The following RTL4 variants were observed in gnomAD, a reference collection of about 807,000 sequenced individuals.
RTL4 encodes the protein retrotransposon Gag like 4, also known as retrotransposon Gag-like protein 4.
RTL4 carries 4 observed loss-of-function variants against 5.3 expected under a neutral mutation model. The observed-to-expected ratio is 0.75, with a 90% CI of 0.37 to 1.72. The LOEUF (loss-of-function observed/expected upper bound fraction) is 1.72. RTL4 is among the 40% of genes most tolerant of loss of function. The pLI is 0.04. For missense variants in RTL4, 260 were observed against 227.1 expected (o/e 1.14, Z -0.93); for synonymous variants, 98 against 87.3 (o/e 1.12, Z -0.68).
At chrX:112,348,881 C>T in the RTL4 span, among the ~76,000 whole-genome samples, 6 of 110,504 alleles carry the variant, frequency 5.4e-5, no homozygotes, top group African/African-American at 2.0e-4. Context: ...TGTAATTTTT[C>T]AATACCACCA....
At chrX:112,397,074 T>C in the RTL4 span, among the ~76,000 whole-genome samples, 1 of 111,977 alleles carries the variant, frequency 8.9e-6, no homozygotes, top group African/African-American at 3.2e-5. Flanking sequence ...TTCATACTAT[T>C]GTCTTTGGAA....
At chrX:112,438,899 A>T in the RTL4 span, among the ~76,000 whole-genome samples, 2 of 112,195 alleles carry the variant, frequency 1.8e-5, no homozygotes, top group African/African-American at 6.5e-5. Flanking sequence ...ACTAAGTGAT[A>T]AGGCCTGTAA....
chrX:112,398,946 C>A, the RTL4 span, among the ~76,000 whole-genome samples: 1 of 111,894 alleles, frequency 8.9e-6, no homozygotes, highest in South Asian at 3.7e-4. Context: ...CAAAAGATGT[C>A]TTTGTGGTAA....
the RTL4 span, among the ~76,000 whole-genome samples, chrX:112,155,114 A>G: frequency 1.8e-5 from 2 of 110,567 alleles, no homozygotes; most frequent in Non-Finnish European, 3.8e-5. Context: ...TGGTGCCTCG[A>G]TCTTAGACTT....
chrX:112,100,540 A>C, the RTL4 span, among the ~76,000 whole-genome samples: 1 of 112,074 alleles, frequency 8.9e-6, no homozygotes, highest in African/African-American at 3.2e-5. Context: ...AGACATTATC[A>C]TACCTGTATT....
the RTL4 span, among the ~76,000 whole-genome samples, chrX:112,219,718 C>T: frequency 5.4e-5 from 6 of 112,123 alleles, no homozygotes; most frequent in Admixed American, 5.7e-4. Flanking sequence ...TAGTGAATCA[C>T]AACAAAACAT....
chrX:112,096,925 C>T, the RTL4 span, among the ~76,000 whole-genome samples: 7 of 112,247 alleles, frequency 6.2e-5, no homozygotes, highest in African/African-American at 2.3e-4. Flanking sequence ...CTAACAGATA[C>T]CACCATGAGG....
At chrX:112,163,031 C>T in the RTL4 span, among the ~76,000 whole-genome samples, 1 of 111,733 alleles carries the variant, frequency 8.9e-6, no homozygotes, top group South Asian at 3.8e-4. Context: ...ATCTGTTCTT[C>T]GTATTTCAGT....
the RTL4 span, among the ~76,000 whole-genome samples, chrX:112,097,536 T>C: frequency 9.0e-6 from 1 of 111,192 alleles, no homozygotes; most frequent in Non-Finnish European, 1.9e-5. Flanking sequence ...CTTGGAAGGC[T>C]GAGGCAGGAG....
At chrX:112,107,994 G>GT in the RTL4 span, among the ~76,000 whole-genome samples, 6 of 110,130 alleles carry the variant, frequency 5.4e-5, no homozygotes, top group East Asian at 2.9e-4. Flanking sequence ...TCTTCCTTCC[G>GT]TTTTTTTCTT....
At chrX:112,130,246 CTT>C in the RTL4 span, among the ~76,000 whole-genome samples, 2 of 97,874 alleles carry the variant, frequency 2.0e-5, no homozygotes, top group Non-Finnish European at 4.2e-5. Context: ...CTTTTCTTTT[CTT>C]TTTTTTTTTT....
chrX:112,451,298 A>G (rs1417930356), upstream of RTL4, among the ~76,000 whole-genome samples: 1 of 111,256 alleles, frequency 9.0e-6, no homozygotes, highest in Non-Finnish European at 1.9e-5. Flanking sequence ...CCAGGAGTTC[A>G]AGACCAGCTT....
At chrX:112,173,048 G>A in the RTL4 span, among the ~76,000 whole-genome samples, 1 of 109,736 alleles carries the variant, frequency 9.1e-6, no homozygotes, top group Non-Finnish European at 1.9e-5. Context: ...ATGGCTAATA[G>A]ATGCTGGTCT....
At chrX:112,113,609 G>A in the RTL4 span, among the ~76,000 whole-genome samples, 5 of 110,974 alleles carry the variant, frequency 4.5e-5, no homozygotes, top group South Asian at 3.9e-4. Context: ...ATGAGCTGGC[G>A]CTTGCTCCGG....
chrX:112,185,402 T>TATATATATAC, the RTL4 span, among the ~76,000 whole-genome samples: 1 of 97,888 alleles, frequency 1.0e-5, no homozygotes, highest in African/African-American at 4.0e-5. Context: ...TATATATATA[T>TATATATATAC]ACACACACAC....
At chrX:112,386,357 T>G in the RTL4 span, among the ~76,000 whole-genome samples, 3 of 111,820 alleles carry the variant, frequency 2.7e-5, no homozygotes, top group Non-Finnish European at 5.6e-5. Flanking sequence ...TTCTTCCTTT[T>G]TAACTTTTTT....
chrX:112,178,214 A>G, the RTL4 span, among the ~76,000 whole-genome samples: 1 of 111,489 alleles, frequency 9.0e-6, no homozygotes, highest in African/African-American at 3.3e-5. Flanking sequence ...TATACCATAC[A>G]GTGCAGATTA....
the RTL4 span, among the ~76,000 whole-genome samples, chrX:112,209,170 T>C: frequency 1.8e-5 from 2 of 112,467 alleles, no homozygotes; most frequent in African/African-American, 6.5e-5. Flanking sequence ...AGCACTCACA[T>C]AGGATACAAA....
At chrX:112,234,700 T>C in the RTL4 span, among the ~76,000 whole-genome samples, 1 of 111,988 alleles carries the variant, frequency 8.9e-6, no homozygotes, top group African/African-American at 3.2e-5. Flanking sequence ...AGAAGCCAGG[T>C]TGATGGGCTT....
Sources: allele counts gnomAD v4.1 joint callset (sites outside exome capture counted in the v4.1 genomes callset), GRCh38; gene constraint gnomAD v4.1.1; transcripts MANE v1.5; gene names NCBI Gene and HGNC (gene_info 2026-07-23, HGNC 2026-07-21).